The following FRMD6 variants were observed in gnomAD, a reference collection of about 807,000 sequenced individuals.
FRMD6 encodes the protein FERM domain containing 6, also known as FERM domain-containing protein 6.
A neutral mutation model predicts 73.2 loss-of-function variants in FRMD6; 37 were observed. That is an observed-to-expected ratio of 0.51 (90% CI 0.39 to 0.66). The LOEUF (loss-of-function observed/expected upper bound fraction) is 0.66. Among genes scored for constraint, FRMD6 ranks in the 30% least tolerant of loss-of-function variants. The pLI is 0.00. For synonymous variants in FRMD6, 273 were observed against 282.2 expected (o/e 0.97, Z 0.33); for missense variants, 714 against 780.5 (o/e 0.91, Z 1.02).
At chr14:51,719,217 A>G (rs1473540944) in intron 10 of FRMD6, among the ~76,000 whole-genome samples, 2 of 137,278 alleles carry the variant, frequency 1.5e-5, no homozygotes, top group African/African-American at 2.9e-5. Context: ...CCTTAATGGA[A>G]TGGTTAGTTT....
intron 2 of FRMD6, among the ~76,000 whole-genome samples, chr14:51,574,224 A>G (rs535077651): frequency 6.6e-6 from 1 of 152,110 alleles, no homozygotes; most frequent in South Asian, 2.1e-4. Flanking sequence ...GAAGGGTGCA[A>G]TAGGCTCTCC....
chr14:51,611,188 C>A (rs1423040747), intron 2 of FRMD6, among the ~76,000 whole-genome samples: 1 of 152,054 alleles, frequency 6.6e-6, no homozygotes, highest in Non-Finnish European at 1.5e-5. Flanking sequence ...TAGGGAGGAG[C>A]AGAAAGGAAA....
chr14:51,562,157 C>T (rs968303880), intron 1 of FRMD6, among the ~76,000 whole-genome samples: 5 of 152,196 alleles, frequency 3.3e-5, no homozygotes, highest in Non-Finnish European at 5.9e-5. Flanking sequence ...TTCCATCTTT[C>T]ACCCCCACAT....
upstream of FRMD6, among the ~76,000 whole-genome samples, chr14:51,485,304 T>C (rs1377949816): frequency 6.6e-6 from 1 of 152,072 alleles, no homozygotes; most frequent in East Asian, 1.9e-4. Flanking sequence ...TGTCTCTCTG[T>C]GTTTCTTCTC....
At chr14:51,557,312 A>C (rs1887195103) in intron 1 of FRMD6, among the ~76,000 whole-genome samples, 1 of 152,164 alleles carries the variant, frequency 6.6e-6, no homozygotes, top group Admixed American at 6.5e-5. Context: ...TTCAGCCTTT[A>C]AAGAGAAGAA....
chr14:51,604,152 G>A (rs1890151899), intron 2 of FRMD6, among the ~76,000 whole-genome samples: 1 of 152,214 alleles, frequency 6.6e-6, no homozygotes, highest in Non-Finnish European at 1.5e-5. Context: ...CTAGATTGCT[G>A]GGTGGGGGCA....
At chr14:51,557,110 A>G (rs116263282) in intron 1 of FRMD6, among the ~76,000 whole-genome samples, 122 of 152,134 alleles carry the variant, frequency 8.0e-4, no homozygotes, top group African/African-American at 2.9e-3. Context: ...ACATAGTGAG[A>G]CCCTGTCTGA....
At chr14:51,604,646 T>A (rs868344753) in intron 2 of FRMD6, among the ~76,000 whole-genome samples, 5 of 152,246 alleles carry the variant, frequency 3.3e-5, no homozygotes, top group South Asian at 4.2e-4. Context: ...TGGCCCATTG[T>A]ATTTCTTCCA....
rs554463743 is a variant in FRMD6 at position 51,590,237 on chromosome 14, CAA to C, written c.-147+19829_-147+19830del. ...ACTCTCCGAGAGTGTCATGACACTG[CAA>C]AGAGGCAGAATGATGGTGAGATTTT... is the stretch of plus-strand genomic sequence containing the variant. On this transcript the variant is annotated intron_variant, in intron 2 of 14. Coordinates refer to the FRMD6 transcript ENST00000356218. Among the ~76,000 whole-genome samples the C allele has an allele frequency of 4.1e-4, 62 of 152,178 alleles. 2 individuals carry two copies. In the South Asian group the frequency reaches 0.013, roughly 31 times the overall value.
At chr14:51,632,482 C>T (rs1256989843) in intron 2 of FRMD6, among the ~76,000 whole-genome samples, 2 of 152,112 alleles carry the variant, frequency 1.3e-5, no homozygotes, top group East Asian at 1.9e-4. Context: ...TGTGTTGTAC[C>T]ACTTGAGCTG....
intron 5 of FRMD6, among the ~76,000 whole-genome samples, chr14:51,703,555 G>A (rs1896451494): frequency 6.6e-6 from 1 of 151,870 alleles, no homozygotes; most frequent in African/African-American, 2.4e-5. Context: ...GGTAAGTGTG[G>A]CATGACCTGG....
At chr14:51,410,251 T>C in the FRMD6 span, among the ~76,000 whole-genome samples, 1 of 152,210 alleles carries the variant, frequency 6.6e-6, no homozygotes, top group Non-Finnish European at 1.5e-5. Context: ...CACTACAGTG[T>C]GAGTACTGTC....
chr14:51,481,891 G>C, the FRMD6 span, among the ~76,000 whole-genome samples: 17 of 152,174 alleles, frequency 1.1e-4, no homozygotes, highest in Non-Finnish European at 1.5e-5. Flanking sequence ...AGCAGGCCCT[G>C]TTGTTTTTCC....
intron 1 of FRMD6, among the ~76,000 whole-genome samples, chr14:51,672,219 G>T (rs1227874835): frequency 6.6e-6 from 1 of 152,206 alleles, no homozygotes; most frequent in Non-Finnish European, 1.5e-5. Flanking sequence ...CTTGCTGACT[G>T]TCTGGAGAGC....
chr14:51,503,346 C>A (rs1028822275), intron 1 of FRMD6, among the ~76,000 whole-genome samples: 1 of 152,000 alleles, frequency 6.6e-6, no homozygotes, highest in African/African-American at 2.4e-5. Flanking sequence ...TAATATATGG[C>A]TCTTATTATT....
At chr14:51,572,199 T>C (rs1234951957) in intron 2 of FRMD6, among the ~76,000 whole-genome samples, 1 of 152,258 alleles carries the variant, frequency 6.6e-6, no homozygotes, top group East Asian at 1.9e-4. Context: ...TCCTCTAATG[T>C]TCACCAGCCC....
the FRMD6 span, among the ~76,000 whole-genome samples, chr14:51,451,247 C>G: frequency 6.6e-6 from 1 of 152,218 alleles, no homozygotes; most frequent in Non-Finnish European, 1.5e-5. Context: ...TCCTCCAAAT[C>G]TCATGTTGAA....
At chr14:51,671,376 C>T (rs116744350) in intron 1 of FRMD6, among the ~76,000 whole-genome samples, 343 of 152,194 alleles carry the variant, frequency 2.3e-3, no homozygotes, top group African/African-American at 7.6e-3. Context: ...CTAGAATTTT[C>T]TTTGTCATAA....
chr14:51,709,431 T>G (rs1419387884), intron 7 of FRMD6, among the ~76,000 whole-genome samples: 2 of 152,212 alleles, frequency 1.3e-5, no homozygotes, highest in Admixed American at 1.3e-4. Flanking sequence ...TTATGCTTGT[T>G]ATCTCTACTT....
Sources: allele counts gnomAD v4.1 joint callset (sites outside exome capture counted in the v4.1 genomes callset), GRCh38; gene constraint gnomAD v4.1.1; transcripts MANE v1.5; gene names NCBI Gene and HGNC (gene_info 2026-07-23, HGNC 2026-07-21).